The following RBPJ variants were observed in gnomAD, a reference collection of about 807,000 sequenced individuals.
RBPJ encodes recombination signal binding protein for immunoglobulin kappa J region.
In RBPJ, 9 loss-of-function variants were observed where a neutral mutation model predicts 67.8. That is an observed-to-expected ratio of 0.13 (90% CI 0.08 to 0.23). The LOEUF (loss-of-function observed/expected upper bound fraction) is 0.23. Ranked by LOEUF, RBPJ falls within the 10% of genes least tolerant of loss-of-function variation. The probability of loss-of-function intolerance (pLI) is 1.00; values close to 1 mark genes in which losing one functional copy is unlikely to be tolerated. For synonymous variants in RBPJ, 198 were observed against 203.3 expected (o/e 0.97, Z 0.22); for missense variants, 305 against 595.6 (o/e 0.51, Z 5.08).
At chr4:26,291,484 T>C (rs573139317) in intron 1 of RBPJ, among the ~76,000 whole-genome samples, 11 of 150,828 alleles carry the variant, frequency 7.3e-5, no homozygotes, top group Non-Finnish European at 1.2e-4. Context: ...AAATCTATTC[T>C]GGGGAGTTGT....
the RBPJ span, among the ~76,000 whole-genome samples, chr4:26,138,928 T>C: frequency 2.0e-5 from 3 of 152,142 alleles, no homozygotes; most frequent in African/African-American, 7.2e-5. Context: ...CTGGGGATAA[T>C]TAGGACCACC....
chr4:26,190,828 T>G (rs1717454495), intron 1 of RBPJ, among the ~76,000 whole-genome samples: 1 of 152,010 alleles, frequency 6.6e-6, no homozygotes, highest in Non-Finnish European at 1.5e-5. Context: ...ATCAGTTTCT[T>G]GAGAAGTAAC....
At chr4:26,181,216 C>A (rs926459382) in intron 1 of RBPJ, among the ~76,000 whole-genome samples, 1 of 152,184 alleles carries the variant, frequency 6.6e-6, no homozygotes, top group Non-Finnish European at 1.5e-5. Flanking sequence ...TCTCTTCTGA[C>A]TTTCCTGAAG....
At chr4:26,324,392 T>A (rs1723402005) in intron 1 of RBPJ, among the ~76,000 whole-genome samples, 1 of 117,114 alleles carries the variant, frequency 8.5e-6, no homozygotes, top group East Asian at 2.5e-4. Context: ...GGGTGATGTG[T>A]CGTGTGTGAG....
upstream of RBPJ, among the ~76,000 whole-genome samples, chr4:26,315,832 T>A (rs928205098): frequency 2.0e-5 from 3 of 152,174 alleles, no homozygotes; most frequent in Non-Finnish European, 1.5e-5. Context: ...ATTATCAATA[T>A]TCCTTGCTAG....
At chr4:26,308,117 A>C (rs1385766415) in intron 1 of RBPJ, among the ~76,000 whole-genome samples, 1 of 152,208 alleles carries the variant, frequency 6.6e-6, no homozygotes, top group Non-Finnish European at 1.5e-5. Context: ...TCTACTAAAA[A>C]TACAAAAAAT....
At chr4:26,350,265 A>G (rs1260377733) in intron 1 of RBPJ, among the ~76,000 whole-genome samples, 1 of 152,222 alleles carries the variant, frequency 6.6e-6, no homozygotes, top group Non-Finnish European at 1.5e-5. Flanking sequence ...ACACTAGATA[A>G]TTTTTCTAAT....
rs199901313 is a variant in RBPJ at position 26,381,432 on chromosome 4, T to TA, written c.21-4913dup. ...CCATGTTTAACGATAGATTGCAGCT[T>TA]AAAAAAAATCTCATACTTCCAGGTG... On this transcript the variant is annotated intron_variant, in intron 1 of 10. Transcript: ENST00000355476. 7.0e-3 allele frequency among the ~76,000 whole-genome samples: 1,069 copies of TA among 152,064 alleles called. 8 individuals carry two copies. The highest frequency in any genetic ancestry group is 0.034 in the East Asian group (176 of 5,176).
intron 1 of RBPJ, among the ~76,000 whole-genome samples, chr4:26,280,700 T>G (rs997104825): frequency 5.9e-5 from 9 of 152,162 alleles, no homozygotes; most frequent in African/African-American, 1.9e-4. Context: ...TGAAGCATGG[T>G]TAAAATGGCA....
At chr4:26,139,982 T>C in the RBPJ span, among the ~76,000 whole-genome samples, 3 of 152,196 alleles carry the variant, frequency 2.0e-5, no homozygotes, top group Non-Finnish European at 4.4e-5. Flanking sequence ...AGCATACCCC[T>C]GATGATGGCT....
intron 1 of RBPJ, among the ~76,000 whole-genome samples, chr4:26,263,934 G>C (rs1460078088): frequency 1.3e-5 from 2 of 150,490 alleles, no homozygotes; most frequent in Non-Finnish European, 2.9e-5. Context: ...GAGTGCAGCC[G>C]TGCGATCTCG....
At chr4:26,151,270 G>T in the RBPJ span, among the ~76,000 whole-genome samples, 52 of 152,140 alleles carry the variant, frequency 3.4e-4, no homozygotes, top group Non-Finnish European at 6.6e-4. Flanking sequence ...AAATTAGTCA[G>T]CCATGACTAA....
chr4:26,253,407 G>T (rs1231423102), intron 1 of RBPJ, among the ~76,000 whole-genome samples: 1 of 146,742 alleles, frequency 6.8e-6, no homozygotes, highest in Non-Finnish European at 1.5e-5. Context: ...CGCCTTCCGG[G>T]TTCACGCCAT....
chr4:26,209,565 C>T (rs897294196), intron 1 of RBPJ, among the ~76,000 whole-genome samples: 96 of 148,456 alleles, frequency 6.5e-4, no homozygotes, highest in African/African-American at 2.1e-3. Context: ...CTGTCTCCCT[C>T]CCTTCCTCCT....
chr4:26,372,145 C>T (rs961581040), intron 1 of RBPJ, among the ~76,000 whole-genome samples: 2 of 152,144 alleles, frequency 1.3e-5, no homozygotes, highest in African/African-American at 4.8e-5. Flanking sequence ...GAGGAAGCTA[C>T]AGGTATAAGT....
chr4:26,317,185 T>C (rs1288191195), upstream of RBPJ, among the ~76,000 whole-genome samples: 2 of 151,504 alleles, frequency 1.3e-5, no homozygotes, highest in East Asian at 3.9e-4. Flanking sequence ...ATAGGTGCCA[T>C]GGACAAAATC....
At position 26,214,097 on chromosome 4, in the gene RBPJ, C is replaced by A. The variant is rs973455624; in HGVS notation, c.-167+50483C>A. On this transcript the variant is annotated intron_variant, in intron 1 of 4. Transcript: ENST00000512351. ...CTCAGGAGCTCAAGACCAGCCTGGGCAACATAGAGAGACCTCATTGCTAGG... is the reference window on the plus strand; with the variant it reads ...CTCAGGAGCTCAAGACCAGCCTGGGAAACATAGAGAGACCTCATTGCTAGG... Among the ~76,000 whole-genome samples the A allele has an allele frequency of 2.0e-5, 3 of 147,288 alleles. No individual in the cohort carries two copies. The East Asian group carries it at 6.0e-4, about 30-fold the overall frequency.
At chr4:26,215,356 A>G (rs531162396) in intron 1 of RBPJ, among the ~76,000 whole-genome samples, 67,050 of 95,154 alleles carry the variant, frequency 0.7, 24,809 homozygotes, top group East Asian at 0.93. Context: ...AGAAAAAAAG[A>G]AGGAAGGAAG....
chr4:26,185,540 G>A (rs1717215410), intron 1 of RBPJ, among the ~76,000 whole-genome samples: 1 of 152,178 alleles, frequency 6.6e-6, no homozygotes, highest in African/African-American at 2.4e-5. Flanking sequence ...GATGCTTTCT[G>A]AGGCCTTTTA....
Sources: allele counts gnomAD v4.1 joint callset (sites outside exome capture counted in the v4.1 genomes callset), GRCh38; gene constraint gnomAD v4.1.1; transcripts MANE v1.5; gene names NCBI Gene and HGNC (gene_info 2026-07-23, HGNC 2026-07-21).